The following GPHN variants were observed in gnomAD, a reference collection of about 807,000 sequenced individuals.
The protein encoded by GPHN is gephyrin.
A neutral mutation model predicts 95.5 loss-of-function variants in GPHN; 17 were observed. That is an observed-to-expected ratio of 0.18 (90% CI 0.12 to 0.27). The LOEUF is 0.27. GPHN is among the 10% of genes least tolerant of loss of function. GPHN has a pLI of 1.00. For missense variants in GPHN, 660 were observed against 978.1 expected (o/e 0.67, Z 4.34); for synonymous variants, 320 against 322.5 (o/e 0.99, Z 0.08).
the GPHN span, among the ~76,000 whole-genome samples, chr14:67,424,597 T>TAAAAAAA: frequency 2.1e-4 from 26 of 124,854 alleles, 1 homozygote; most frequent in East Asian, 6.0e-3. Context: ...AGACGCTGTT[T>TAAAAAAA]AAAAAAAAAA....
the GPHN span, chr14:67,364,299 G>T: frequency 6.6e-6 from 1 of 152,266 alleles, no homozygotes; most frequent in Non-Finnish European, 1.5e-5. Flanking sequence ...TGGTATATTG[G>T]TTAGGGTTTA....
At chr14:66,962,470 A>G (rs967175644) in intron 8 of GPHN, among the ~76,000 whole-genome samples, 1 of 151,732 alleles carries the variant, frequency 6.6e-6, no homozygotes, top group African/African-American at 2.4e-5. Context: ...ATTTTCATTC[A>G]TCAATGCATT....
chr14:66,666,152 A>G (rs968002391), intron 1 of GPHN, among the ~76,000 whole-genome samples: 1 of 152,010 alleles, frequency 6.6e-6, no homozygotes, highest in African/African-American at 2.4e-5. Context: ...CCTAATGTAA[A>G]TGACGAGTTA....
the GPHN span, among the ~76,000 whole-genome samples, chr14:67,625,747 A>AG: frequency 6.6e-6 from 1 of 150,476 alleles, no homozygotes; most frequent in African/African-American, 2.4e-5. Context: ...AAAAAAAAAA[A>AG]AGAGAAAAGG....
intron 11 of GPHN, among the ~76,000 whole-genome samples, chr14:67,082,929 A>G (rs2076747945): frequency 6.6e-6 from 1 of 152,216 alleles, no homozygotes; most frequent in South Asian, 2.1e-4. Context: ...GCTATTATGA[A>G]AAATGATGTT....
the GPHN span, among the ~76,000 whole-genome samples, chr14:67,442,458 C>G: frequency 4.6e-5 from 7 of 152,076 alleles, no homozygotes; most frequent in Admixed American, 4.6e-4. Context: ...ACCTAGCGGT[C>G]CAGAAGGCAG....
the GPHN span, chr14:67,570,036 G>A: frequency 0.022 from 32,367 of 1,468,204 alleles, 848 homozygotes; most frequent in African/African-American, 0.13. Flanking sequence ...GCACAAAGAG[G>A]GGGTGTCTCA....
At chr14:66,960,734 C>G (rs2068844126) in intron 8 of GPHN, among the ~76,000 whole-genome samples, 1 of 152,080 alleles carries the variant, frequency 6.6e-6, no homozygotes, top group South Asian at 2.1e-4. Context: ...GGTATAGAGT[C>G]TCAAATTTAT....
chr14:67,083,212 A>T (rs1188138321), intron 11 of GPHN, among the ~76,000 whole-genome samples: 2 of 151,926 alleles, frequency 1.3e-5, no homozygotes, highest in Admixed American at 6.6e-5. Context: ...TAACTGATTG[A>T]TAGTATTTGG....
chr14:67,052,467 T>C (rs894266634), intron 10 of GPHN, among the ~76,000 whole-genome samples: 7 of 152,050 alleles, frequency 4.6e-5, no homozygotes, highest in Non-Finnish European at 1.0e-4. Flanking sequence ...CTTAGAGACC[T>C]ACAAAGAGAC....
the GPHN span, among the ~76,000 whole-genome samples, chr14:67,288,777 T>C: frequency 6.6e-6 from 1 of 152,134 alleles, no homozygotes; most frequent in African/African-American, 2.4e-5. Flanking sequence ...TATTAGCTTA[T>C]GGTTAGATTC....
chr14:67,194,654 C>T, the GPHN span, among the ~76,000 whole-genome samples: 25 of 151,928 alleles, frequency 1.6e-4, no homozygotes, highest in East Asian at 7.8e-4. Context: ...TACAGGCATG[C>T]GCCACCACAC....
At chr14:67,399,672 G>C in the GPHN span, among the ~76,000 whole-genome samples, 7 of 147,678 alleles carry the variant, frequency 4.7e-5, no homozygotes, top group African/African-American at 1.8e-4. Context: ...ATAAAGAGAA[G>C]GGTGGTTTAG....
At chr14:66,716,338 T>G (rs2070179358) in intron 2 of GPHN, among the ~76,000 whole-genome samples, 1 of 152,226 alleles carries the variant, frequency 6.6e-6, no homozygotes, top group Non-Finnish European at 1.5e-5. Context: ...TGGCTTTTGG[T>G]GTGCATTTGC....
intron 12 of GPHN, among the ~76,000 whole-genome samples, chr14:67,091,184 G>T (rs79106691): frequency 0.018 from 2,672 of 151,794 alleles, 27 homozygotes; most frequent in Non-Finnish European, 0.027. Flanking sequence ...GATTATCTTG[G>T]ATTCACTTCA....
the GPHN span, chr14:67,587,399 TATA>T: frequency 4.4e-4 from 331 of 758,288 alleles, 1 homozygote; most frequent in Middle Eastern, 9.2e-3. Flanking sequence ...CTAGGTGCCT[TATA>T]ATGTTTCAGG....
the GPHN span, among the ~76,000 whole-genome samples, chr14:67,427,847 G>C: frequency 4.6e-5 from 7 of 151,916 alleles, no homozygotes; most frequent in Non-Finnish European, 1.0e-4. Flanking sequence ...TTCTGGCACT[G>C]TCATGAGACC....
At chr14:66,815,701 C>T (rs1003142511) in intron 3 of GPHN, among the ~76,000 whole-genome samples, 5 of 152,178 alleles carry the variant, frequency 3.3e-5, no homozygotes, top group Admixed American at 1.3e-4. Context: ...CCAGCCACTA[C>T]AAAAACACAT....
At chr14:67,218,042 T>C in the GPHN span, among the ~76,000 whole-genome samples, 1 of 151,956 alleles carries the variant, frequency 6.6e-6, no homozygotes, top group African/African-American at 2.4e-5. Context: ...GTTTCTTTAG[T>C]GTTTGCAAGT....
Sources: gnomAD v4.1 joint callset for allele counts (sites outside exome capture counted in the v4.1 genomes callset) on GRCh38, gnomAD v4.1.1 for gene constraint, MANE v1.5 for transcripts, NCBI Gene and HGNC (gene_info 2026-07-23, HGNC 2026-07-21) for gene names.